ATP2B2: variants seen among roughly 807,000 people sequenced by gnomAD.
The protein encoded by ATP2B2 is ATPase plasma membrane Ca2+ transporting 2.
In ATP2B2, 15 loss-of-function variants were observed where a neutral mutation model predicts 120.0. That is an observed-to-expected ratio of 0.12 (90% CI 0.08 to 0.19). The LOEUF (loss-of-function observed/expected upper bound fraction) is 0.19. ATP2B2 is among the 10% of genes least tolerant of loss of function. ATP2B2 has a pLI of 1.00. For missense variants in ATP2B2, 1,045 were observed against 1,719.8 expected (o/e 0.61, Z 6.94); for synonymous variants, 694 against 700.3 (o/e 0.99, Z 0.14).
rs183755937 is a variant in ATP2B2 at position 10,405,144 on chromosome 3, G to A, written c.398-2796C>T. On this transcript the variant is annotated intron_variant, in intron 3 of 22. Transcript: ENST00000360273. ...AGCTGTGAAGTGGGATAACCCAACG[G>A]ATTTGTGAGCTAAGGGCCTGGCACA... Among the ~76,000 whole-genome samples the A allele has an allele frequency of 2.0e-5, 3 of 152,322 alleles. No individual in the cohort carries two copies. In the East Asian group the frequency reaches 5.8e-4, roughly 29 times the overall value.
intron 2 of ATP2B2, among the ~76,000 whole-genome samples, chr3:10,575,246 G>A (rs1196981174): frequency 6.6e-6 from 1 of 152,138 alleles, no homozygotes; most frequent in East Asian, 1.9e-4. Context: ...TGGGCAGAGG[G>A]TGTACCTGAG....
At chr3:10,394,024 C>T (rs1238623843) in intron 5 of ATP2B2, among the ~76,000 whole-genome samples, 1 of 152,122 alleles carries the variant, frequency 6.6e-6, no homozygotes, top group Admixed American at 6.5e-5. Flanking sequence ...GGTTTCTGAG[C>T]CCAGATAAGG....
intron 1 of ATP2B2, among the ~76,000 whole-genome samples, chr3:10,451,019 C>G (rs34868): frequency 0.69 from 104,165 of 152,052 alleles, 38,302 homozygotes; most frequent in Non-Finnish European, 0.82. Flanking sequence ...CCCTCCTCAG[C>G]TCCAACTCCT....
At chr3:10,546,738 C>G (rs1310424318) in intron 2 of ATP2B2, among the ~76,000 whole-genome samples, 1 of 152,206 alleles carries the variant, frequency 6.6e-6, no homozygotes, top group African/African-American at 2.4e-5. Flanking sequence ...GAGGTACAAC[C>G]TATTGATCTT....
At chr3:10,451,924 T>C (rs149390788) in intron 1 of ATP2B2, among the ~76,000 whole-genome samples, 7 of 152,374 alleles carry the variant, frequency 4.6e-5, no homozygotes, top group African/African-American at 1.7e-4. Context: ...CCAGGCACTG[T>C]GGGATGAGTT....
At chr3:10,426,649 T>C (rs1049946140) in intron 2 of ATP2B2, among the ~76,000 whole-genome samples, 2 of 152,182 alleles carry the variant, frequency 1.3e-5, no homozygotes, top group African/African-American at 4.8e-5. Flanking sequence ...GGGATGTCAC[T>C]TGAACTTTCC....
intron 2 of ATP2B2, among the ~76,000 whole-genome samples, chr3:10,602,674 C>T (rs2068956185): frequency 6.6e-6 from 1 of 152,200 alleles, no homozygotes; most frequent in African/African-American, 2.4e-5. Flanking sequence ...TTAAAGAGAA[C>T]ATAATCAGGT....
chr3:10,393,565 A>G (rs971088196), intron 5 of ATP2B2, among the ~76,000 whole-genome samples: 1 of 152,086 alleles, frequency 6.6e-6, no homozygotes, highest in South Asian at 2.1e-4. Flanking sequence ...TGTGGCTCCA[A>G]TCTTGTGCTT....
At chr3:10,339,200 G>T (rs1303741996) in intron 21 of ATP2B2, among the ~76,000 whole-genome samples, 1 of 152,234 alleles carries the variant, frequency 6.6e-6, no homozygotes, top group Non-Finnish European at 1.5e-5. Context: ...CCTGTAGGGG[G>T]TGGGCCCCAG....
intron 2 of ATP2B2, among the ~76,000 whole-genome samples, chr3:10,561,109 C>T (rs2067894584): frequency 6.6e-6 from 1 of 152,200 alleles, no homozygotes; most frequent in African/African-American, 2.4e-5. Flanking sequence ...TTGCACTTAG[C>T]CTGGAGTGGT....
intron 2 of ATP2B2, among the ~76,000 whole-genome samples, chr3:10,424,082 C>A (rs1195181640): frequency 2.0e-5 from 3 of 152,212 alleles, no homozygotes; most frequent in Non-Finnish European, 4.4e-5. Flanking sequence ...CTCTCATAGG[C>A]CCCACTCGGC....
chr3:10,348,481 T>A (rs2060489226), intron 16 of ATP2B2, among the ~76,000 whole-genome samples: 1 of 152,220 alleles, frequency 6.6e-6, no homozygotes, highest in Non-Finnish European at 1.5e-5. Context: ...TGGTGGGCAT[T>A]GGCGGCCCTG....
At chr3:10,429,761 C>G (rs1364720074) in intron 2 of ATP2B2, among the ~76,000 whole-genome samples, 1 of 152,194 alleles carries the variant, frequency 6.6e-6, no homozygotes, top group African/African-American at 2.4e-5. Flanking sequence ...AGCTAGGCCT[C>G]TTATGCCAAA....
At chr3:10,593,243 T>TA (rs1466288860) in intron 2 of ATP2B2, among the ~76,000 whole-genome samples, 1 of 152,254 alleles carries the variant, frequency 6.6e-6, no homozygotes, top group African/African-American at 2.4e-5. Flanking sequence ...GGGCACTTAC[T>TA]AAATTCTAGT....
rs1225905052 is a variant in ATP2B2, at chr3:10,338,607, T to C, written c.3238-249A>G. The C allele has an allele frequency of 7.7e-6, 4 of 520,822 alleles. No individual in the cohort carries two copies. In the African/African-American group the frequency reaches 7.9e-5, roughly 10 times the overall value. The allele number at this position is 520,822 out of a possible 1,614,324, so 32.3% of individuals were successfully genotyped here. A position where few individuals can be genotyped will look rare whatever the true frequency, so the allele number is the denominator to read the frequency against. On this transcript the variant is annotated intron_variant, in intron 21 of 22. Transcript: ENST00000360273. ...GGAGTGCAATTTGCTTTTTAATTCA[T>C]TCATTCAGAGTCAGGGTACATAGTG...
At position 10,401,922 on chromosome 3, in the gene ATP2B2, C is replaced by T. The variant is rs1339352887; in HGVS notation, c.655+169G>A. ...ATGGATTCTGGGATTGTACCCCCTC[C>T]AGGAAGTACCCTTCCACCTCCTAAA... is the stretch of plus-strand genomic sequence containing the variant. On this transcript the variant is annotated intron_variant, in intron 4 of 22. Transcript: ENST00000360273. 2.6e-5 allele frequency among the ~76,000 whole-genome samples: 4 copies of T among 152,230 alleles called. No individual in the cohort carries two copies. In the East Asian group the frequency reaches 7.7e-4, roughly 29 times the overall value.
chr3:10,483,449 C>T (rs1044765838), intron 1 of ATP2B2, among the ~76,000 whole-genome samples: 4 of 152,196 alleles, frequency 2.6e-5, no homozygotes, highest in East Asian at 3.8e-4. Flanking sequence ...TGGTCTGTGC[C>T]GACACCACCC....
intron 2 of ATP2B2, among the ~76,000 whole-genome samples, chr3:10,576,890 C>A (rs1575515755): frequency 6.6e-6 from 1 of 151,832 alleles, no homozygotes; most frequent in Non-Finnish European, 1.5e-5. Context: ...TGGTGAAACC[C>A]CGTCTCTACT....
intron 1 of ATP2B2, among the ~76,000 whole-genome samples, chr3:10,659,383 T>G (rs2070721093): frequency 6.6e-6 from 1 of 151,932 alleles, no homozygotes; most frequent in Admixed American, 6.5e-5. Flanking sequence ...AGGCTCAAAA[T>G]AAAGGGATGG....
Sources: gnomAD v4.1 joint callset for allele counts (sites outside exome capture counted in the v4.1 genomes callset) on GRCh38, gnomAD v4.1.1 for gene constraint, MANE v1.5 for transcripts, NCBI Gene and HGNC (gene_info 2026-07-23, HGNC 2026-07-21) for gene names.